NAALADL2: variants seen among roughly 807,000 people sequenced by gnomAD.
NAALADL2 encodes inactive N-acetylated-alpha-linked acidic dipeptidase-like protein 2.
Under a neutral mutation model 87.2 loss-of-function variants are expected in NAALADL2, and 76 were observed. The observed-to-expected ratio is 0.87, with a 90% CI of 0.72 to 1.05. The LOEUF is 1.05. Ranked by LOEUF, NAALADL2 falls within the 50% of genes least tolerant of loss-of-function variation. The pLI is 0.00. For synonymous variants in NAALADL2, 354 were observed against 331.0 expected, an observed-to-expected ratio of 1.07 and a Z score of -0.75; for missense variants, 1,089 against 945.8, an observed-to-expected ratio of 1.15 and a Z score of -1.99.
intron 9 of NAALADL2, among the ~76,000 whole-genome samples, chr3:175,568,049 T>C (rs1717492635): frequency 6.6e-6 from 1 of 152,040 alleles, no homozygotes; most frequent in Non-Finnish European, 1.5e-5. Context: ...AGATGAAATC[T>C]GGTTTTCTTC....
chr3:174,593,288 C>T (rs1717568144), intron 2 of NAALADL2, among the ~76,000 whole-genome samples: 1 of 152,056 alleles, frequency 6.6e-6, no homozygotes, highest in African/African-American at 2.4e-5. Flanking sequence ...AAATGTATAA[C>T]AGAGTAACTA....
chr3:175,259,730 TA>T (rs1256675043), intron 4 of NAALADL2, among the ~76,000 whole-genome samples: 5 of 152,190 alleles, frequency 3.3e-5, no homozygotes, highest in Non-Finnish European at 7.3e-5. Flanking sequence ...AAATTCAGGT[TA>T]AAATACAGCA....
At chr3:175,634,351 G>T (rs918081404) in intron 11 of NAALADL2, among the ~76,000 whole-genome samples, 1 of 151,546 alleles carries the variant, frequency 6.6e-6, no homozygotes, top group African/African-American at 2.4e-5. Flanking sequence ...AAACATGTTT[G>T]TATCAGTTGT....
At chr3:175,527,066 T>C (rs1733515840) in intron 9 of NAALADL2, among the ~76,000 whole-genome samples, 1 of 152,130 alleles carries the variant, frequency 6.6e-6, no homozygotes, top group Non-Finnish European at 1.5e-5. Context: ...TGAGGGCTTG[T>C]CATCTGAGCC....
chr3:175,580,940 G>T (rs1045903657), intron 10 of NAALADL2, among the ~76,000 whole-genome samples: 3 of 151,826 alleles, frequency 2.0e-5, no homozygotes, highest in Non-Finnish European at 4.4e-5. Context: ...GTAGAAACTA[G>T]AAGTGAGAAA....
intron 2 of NAALADL2, among the ~76,000 whole-genome samples, chr3:175,126,750 T>C (rs936476): frequency 0.61 from 91,888 of 151,818 alleles, 28,324 homozygotes; most frequent in African/African-American, 0.73. Flanking sequence ...GGTTGACAGG[T>C]AAACACATAA....
chr3:175,526,094 CT>C (rs35699351), intron 9 of NAALADL2, among the ~76,000 whole-genome samples: 1 of 152,124 alleles, frequency 6.6e-6, no homozygotes, highest in Non-Finnish European at 1.5e-5. Context: ...AAGTATCAGC[CT>C]TTTTAAAAAT....
chr3:174,717,990 G>A (rs183005835), intron 2 of NAALADL2, among the ~76,000 whole-genome samples: 47 of 152,112 alleles, frequency 3.1e-4, no homozygotes, highest in African/African-American at 8.9e-4. Flanking sequence ...CTTGTCGGGC[G>A]TGTTGGGAGG....
At chr3:175,197,174 A>G (rs1307801438) in intron 2 of NAALADL2, among the ~76,000 whole-genome samples, 7 of 151,946 alleles carry the variant, frequency 4.6e-5, no homozygotes, top group Non-Finnish European at 8.8e-5. Context: ...CAGTCATAGA[A>G]TATGTACTAC....
intron 1 of NAALADL2, among the ~76,000 whole-genome samples, chr3:174,927,318 G>A (rs546801398): frequency 6.6e-6 from 1 of 152,178 alleles, no homozygotes; most frequent in East Asian, 1.9e-4. Flanking sequence ...AAGTTAATAA[G>A]GATATCCAGA....
chr3:174,770,110 A>G (rs1322858145), intron 3 of NAALADL2, among the ~76,000 whole-genome samples: 1 of 152,206 alleles, frequency 6.6e-6, no homozygotes, highest in East Asian at 1.9e-4. Flanking sequence ...TGTAACTCTT[A>G]CAGACACTCA....
chr3:174,616,822 T>G (rs141187416), intron 2 of NAALADL2, among the ~76,000 whole-genome samples: 1 of 151,994 alleles, frequency 6.6e-6, no homozygotes, highest in East Asian at 1.9e-4. Context: ...AATAGAAATA[T>G]ATCTGGTTTC....
In NAALADL2 at chr3:174,615,561, C is replaced by T. The variant is rs181928077; in HGVS notation, c.-115+64924C>T. ...TTTTTTAAACCTTCTTCTAATAAGC[C>T]TGAGGAAAAAGTTGCAGGAGAATCT... On this transcript the variant is annotated intron_variant, in intron 2 of 3. Coordinates refer to the NAALADL2 transcript ENST00000434257. Among the ~76,000 whole-genome samples the T allele has an allele frequency of 4.6e-5, 7 of 152,188 alleles. No homozygotes were observed. In the East Asian group the frequency reaches 5.8e-4, roughly 13 times the overall value.
chr3:174,882,928 T>A (rs1729608131), intron 1 of NAALADL2, among the ~76,000 whole-genome samples: 1 of 151,310 alleles, frequency 6.6e-6, no homozygotes, highest in Admixed American at 6.6e-5. Context: ...TATATATATG[T>A]ATATATATGG....
chr3:175,243,070 A>AACAC (rs145805880), intron 3 of NAALADL2, among the ~76,000 whole-genome samples: 11,623 of 146,972 alleles, frequency 0.079, 979 homozygotes, highest in African/African-American at 0.22. Context: ...TCCTTTCCAT[A>AACAC]ACACACACAC....
intron 1 of NAALADL2, among the ~76,000 whole-genome samples, chr3:174,467,948 T>A (rs1285140056): frequency 6.6e-6 from 1 of 152,162 alleles, no homozygotes; most frequent in Non-Finnish European, 1.5e-5. Context: ...TCCTTATTAA[T>A]GTTATGTATA....
chr3:175,634,947 T>A (rs1728303027), intron 11 of NAALADL2, among the ~76,000 whole-genome samples: 2 of 152,022 alleles, frequency 1.3e-5, no homozygotes, highest in Admixed American at 1.3e-4. Flanking sequence ...GTATTTTCAA[T>A]GCGAAGGTTG....
intron 4 of NAALADL2, among the ~76,000 whole-genome samples, chr3:175,275,022 T>C (rs1753373508): frequency 1.3e-5 from 2 of 152,194 alleles, no homozygotes; most frequent in African/African-American, 4.8e-5. Context: ...ACTCATTATT[T>C]CACCTTATTA....
At chr3:174,637,378 C>G (rs1722750045) in intron 2 of NAALADL2, among the ~76,000 whole-genome samples, 1 of 151,816 alleles carries the variant, frequency 6.6e-6, no homozygotes. Flanking sequence ...GATGGATATC[C>G]TAAATATCCT....
Sources: allele counts gnomAD v4.1 joint callset (sites outside exome capture counted in the v4.1 genomes callset), GRCh38; gene constraint gnomAD v4.1.1; transcripts MANE v1.5; gene names NCBI Gene and HGNC (gene_info 2026-07-23, HGNC 2026-07-21).